Variants in KCNB2 observed in about 807,000 individuals in gnomAD.
The protein encoded by KCNB2 is potassium voltage-gated channel subfamily B member 2, also known as delayed rectifier potassium channel protein.
In KCNB2, 15 loss-of-function variants were observed where a neutral mutation model predicts 61.5. The observed-to-expected ratio is 0.24, with a 90% CI of 0.16 to 0.38. The LOEUF (loss-of-function observed/expected upper bound fraction) is 0.38, where lower values mean the gene tolerates loss of function less well. Ranked by LOEUF, KCNB2 falls within the 10% of genes least tolerant of loss-of-function variation. The pLI, the probability that KCNB2 is intolerant of heterozygous loss-of-function variation, is 1.00. For missense variants in KCNB2, 828 were observed against 1,125.2 expected (o/e 0.74, Z 3.78); for synonymous variants, 457 against 446.0 (o/e 1.02, Z -0.31).
At chr8:72,864,246 A>G (rs907841248) in intron 2 of KCNB2, among the ~76,000 whole-genome samples, 1 of 152,202 alleles carries the variant, frequency 6.6e-6, no homozygotes, top group Non-Finnish European at 1.5e-5. Context: ...AGTAATAAAC[A>G]TCAGGTTGAA....
intron 2 of KCNB2, among the ~76,000 whole-genome samples, chr8:72,582,342 A>C (rs2128980533): frequency 6.6e-6 from 1 of 152,266 alleles, no homozygotes; most frequent in South Asian, 2.1e-4. Flanking sequence ...TCTACGGGAG[A>C]TTGGAATAGA....
chr8:72,544,152 G>C (rs558664888), intron 1 of KCNB2, among the ~76,000 whole-genome samples: 2 of 152,272 alleles, frequency 1.3e-5, no homozygotes, highest in South Asian at 2.1e-4. Context: ...TCCCCAAGTG[G>C]AAAAGGAGGT....
In KCNB2 at chr8:72,834,967, G is replaced by A. The variant is rs143554262; in HGVS notation, c.580-100968G>A. Among the ~76,000 whole-genome samples, 10 of 152,278 alleles carry A rather than the reference G, an allele frequency of 6.6e-5. No individual in the cohort carries two copies. In the East Asian group the frequency reaches 1.9e-3, roughly 29 times the overall value. The stretch of plus-strand genomic sequence containing the variant: ...GCTAATGATTGGAAAACCAGCAGGA[G>A]GAAGGGGATAGGGTGATTCCTTTAG... On this transcript the variant is annotated intron_variant, in intron 2 of 2. Transcript: ENST00000523207.
At chr8:72,745,606 G>A (rs1808048501) in intron 2 of KCNB2, among the ~76,000 whole-genome samples, 1 of 152,130 alleles carries the variant, frequency 6.6e-6, no homozygotes, top group South Asian at 2.1e-4. Flanking sequence ...ATTGATATGT[G>A]ACAGTATGCA....
At chr8:72,835,467 A>G (rs1290055750) in intron 2 of KCNB2, among the ~76,000 whole-genome samples, 1 of 152,092 alleles carries the variant, frequency 6.6e-6, no homozygotes, top group African/African-American at 2.4e-5. Context: ...CTTTATTACA[A>G]CTCTGGCAGG....
At position 72,936,655 on chromosome 8, in the gene KCNB2, A is replaced by G. The variant is rs942328237; in HGVS notation, c.1300A>G (p.Ile434Val). 4 of 1,614,062 alleles carry G rather than the reference A, an allele frequency of 2.5e-6. No homozygotes were observed. The Admixed American group carries it at 5.0e-5, about 20-fold the overall frequency. The change falls in exon 3 of 3, where the codon ATT (isoleucine) becomes GTT (valine). Residue 434 changes from isoleucine to valine, a missense_variant. Around this residue, in one of 4 missense-constraint regions of KCNB2, gnomAD observed 44 missense variants for 167.6 expected, o/e 0.26. Transcript: ENST00000523207. The surrounding 1 kb of genome is among the most constrained non-coding windows in gnomAD (Gnocchi z 5.6). ...GGAGCAGAAACGCCAAGAGAAAGCA[A>G]TTAAAAGGAGGGAGGCTCTTGAGCG... The part of the protein sequence containing the change: ...YKEQKRQEKA[I>V]KRREALERAK...
intron 2 of KCNB2, among the ~76,000 whole-genome samples, chr8:72,681,740 C>T (rs947635210): frequency 7.2e-5 from 11 of 152,156 alleles, no homozygotes; most frequent in African/African-American, 2.4e-4. Context: ...GGATTGTTTA[C>T]ACCAGCATCA....
intron 2 of KCNB2, among the ~76,000 whole-genome samples, chr8:72,903,219 T>A (rs1275051645): frequency 6.6e-6 from 1 of 152,176 alleles, no homozygotes; most frequent in Non-Finnish European, 1.5e-5. Context: ...TGAGAGGTGA[T>A]CCCTGGTAGC....
Position 72,937,663 on chromosome 8 carries a change from G to C in KCNB2, c.2308G>C (p.Gly770Arg), listed in dbSNP as rs1251941770. Residue 770 changes from glycine (G) to arginine (R), a missense_variant, in exon 3 of 3, where the codon GGC becomes CGC. Physicochemically the swap from Gly to Arg is moderately radical, Grantham distance 125. Transcript: ENST00000523207. Reference protein sequence around the residue: ...TPSQGDRPLLGTEVSAPCQGP... With the variant: ...TPSQGDRPLLRTEVSAPCQGP... ...CTCCCAGGGAGACAGACCCTTGCTG[G>C]GCACTGAGGTTTCAGCGCCTTGTCA... The C allele has an allele frequency of 6.2e-7, 1 of 1,613,838 alleles. No homozygotes were observed. Among genetic ancestry groups the C allele is most frequent in the Non-Finnish European group, 8.5e-7 (1 of 1,179,998 alleles).
At position 72,671,605 on chromosome 8, in the gene KCNB2, A is replaced by G. The variant is rs150664452; in HGVS notation, c.579+103292A>G. 2.9e-3 allele frequency among the ~76,000 whole-genome samples: 444 copies of G among 152,254 alleles called. 1 individual carries two copies. Among genetic ancestry groups the G allele is most frequent in the Admixed American group, 8.8e-3 (134 of 15,276 alleles). On this transcript the variant is annotated intron_variant, in intron 2 of 2. Coordinates refer to ENST00000523207, the MANE Select transcript of KCNB2 (RefSeq NM_004770.3). ...AGAATACAGCAGACTGCCAGCCATA[A>G]TGCCTCCATCTTCCATCCTTTCCTG...
chr8:72,903,777 C>G (rs188382087), intron 2 of KCNB2, among the ~76,000 whole-genome samples: 1 of 152,132 alleles, frequency 6.6e-6, no homozygotes, highest in Admixed American at 6.5e-5. Flanking sequence ...TTCATCATGT[C>G]AATAACATAT....
intron 2 of KCNB2, among the ~76,000 whole-genome samples, chr8:72,666,367 T>A (rs967509999): frequency 2.0e-5 from 3 of 152,144 alleles, no homozygotes; most frequent in Non-Finnish European, 2.9e-5. Context: ...ATTTTATATA[T>A]CTCCCACCTT....
rs186852650 is a variant in KCNB2, at chr8:72,660,255, C to G, written c.579+91942C>G. 3.0e-3 allele frequency among the ~76,000 whole-genome samples: 458 copies of G among 152,254 alleles called. 2 individuals are homozygous for G. Among genetic ancestry groups the G allele is most frequent in the Non-Finnish European group, 3.7e-3 (252 of 68,008 alleles). ...CTTTTTTCAAGTGGGAAGGTTGAAA[C>G]TAAAGAAGGTTGCAAGTGTCTGCCA... On this transcript the variant is annotated intron_variant, in intron 2 of 2. Transcript: ENST00000523207.
intron 2 of KCNB2, among the ~76,000 whole-genome samples, chr8:72,800,353 C>A (rs549605459): frequency 3.3e-5 from 5 of 152,174 alleles, no homozygotes; most frequent in Non-Finnish European, 7.3e-5. Flanking sequence ...TGTATTTCAA[C>A]TACAATTCAT....
chr8:72,852,129 G>A (rs184096839), intron 2 of KCNB2, among the ~76,000 whole-genome samples: 68 of 152,110 alleles, frequency 4.5e-4, no homozygotes, highest in African/African-American at 1.2e-3. Context: ...GCTTGGTGGC[G>A]CACATCTGTA....
chr8:72,924,212 A>G (rs1313897966), intron 2 of KCNB2, among the ~76,000 whole-genome samples: 3 of 152,130 alleles, frequency 2.0e-5, no homozygotes, highest in African/African-American at 7.2e-5. Context: ...CGTCAGCATC[A>G]TCTCCAAGGT....
chr8:72,762,579 C>G (rs868087636), intron 2 of KCNB2, among the ~76,000 whole-genome samples: 1 of 152,048 alleles, frequency 6.6e-6, no homozygotes, highest in Non-Finnish European at 1.5e-5. Context: ...GGGCCTTACT[C>G]TATCTGATAA....
chr8:72,869,520 C>T (rs896489915), intron 2 of KCNB2, among the ~76,000 whole-genome samples: 2 of 151,856 alleles, frequency 1.3e-5, no homozygotes, highest in Non-Finnish European at 2.9e-5. Context: ...ATAAAATAAC[C>T]CAATTTAAAA....
chr8:72,698,984 T>C (rs2264034), intron 2 of KCNB2, among the ~76,000 whole-genome samples: 107,978 of 152,012 alleles, frequency 0.71, 39,311 homozygotes, highest in African/African-American at 0.86. Context: ...AATTGCAACA[T>C]AAACCAAAAA....
Sources: gnomAD v4.1 joint callset for allele counts (sites outside exome capture counted in the v4.1 genomes callset) on GRCh38, gnomAD v4.1.1 for gene constraint, gnomAD v4.1.1 regional missense constraint, Gnocchi (gnomAD v3.1) non-coding constraint, MANE v1.5 for transcripts, NCBI Gene and HGNC (gene_info 2026-07-23, HGNC 2026-07-21) for gene names.